LOC122539214: variants seen among roughly 807,000 people sequenced by gnomAD.
chr19:52,652,700 G>C, the LOC122539214 span: 14 of 639,902 alleles, frequency 2.2e-5, no homozygotes, highest in South Asian at 2.1e-4. Context: ...GCATTACTGA[G>C]GACTTTGTGA....
chr19:52,676,741 A>T, the LOC122539214 span, among the ~76,000 whole-genome samples: 90 of 139,872 alleles, frequency 6.4e-4, no homozygotes, highest in African/African-American at 2.2e-3. Context: ...TCTGTGTAGA[A>T]AGAAGTAGAC....
At chr19:52,689,658 TC>T in the LOC122539214 span, among the ~76,000 whole-genome samples, 1 of 152,144 alleles carries the variant, frequency 6.6e-6, no homozygotes, top group South Asian at 2.1e-4. Flanking sequence ...ACTTTTGCTG[TC>T]TCTTGGCAAA....
chr19:52,660,579 G>A, the LOC122539214 span, among the ~76,000 whole-genome samples: 1 of 152,052 alleles, frequency 6.6e-6, no homozygotes, highest in African/African-American at 2.4e-5. Context: ...GATTGCTCCA[G>A]TGAACTCCAG....
the LOC122539214 span, among the ~76,000 whole-genome samples, chr19:52,675,535 A>G: frequency 1.8e-4 from 27 of 152,212 alleles, no homozygotes; most frequent in African/African-American, 6.5e-4. Context: ...GCGGCCTCCT[A>G]TAATTTTGTC....
the LOC122539214 span, among the ~76,000 whole-genome samples, chr19:52,689,959 G>A: frequency 6.6e-6 from 1 of 152,098 alleles, no homozygotes; most frequent in South Asian, 2.1e-4. Flanking sequence ...AGCAGGGCCC[G>A]GCACGAGGAG....
At chr19:52,681,000 CAG>C in the LOC122539214 span, among the ~76,000 whole-genome samples, 1 of 151,734 alleles carries the variant, frequency 6.6e-6, no homozygotes, top group Non-Finnish European at 1.5e-5. Flanking sequence ...AAAGGAAACA[CAG>C]GGCTTGGTGT....
the LOC122539214 span, among the ~76,000 whole-genome samples, chr19:52,667,750 C>A: frequency 6.6e-6 from 1 of 151,960 alleles, no homozygotes. Flanking sequence ...TGCTCTTCAA[C>A]AAAAATTATA....
chr19:52,670,358 G>A, the LOC122539214 span, among the ~76,000 whole-genome samples: 2 of 152,178 alleles, frequency 1.3e-5, no homozygotes, highest in African/African-American at 4.8e-5. Flanking sequence ...CTCGCCAATA[G>A]GGGAATGACA....
At chr19:52,659,752 T>C in the LOC122539214 span, among the ~76,000 whole-genome samples, 1 of 152,068 alleles carries the variant, frequency 6.6e-6, no homozygotes. Context: ...CTTAAGAATA[T>C]CCAACATGGA....
chr19:52,681,927 A>C, the LOC122539214 span, among the ~76,000 whole-genome samples: 1 of 152,206 alleles, frequency 6.6e-6, no homozygotes. Context: ...AGCTCACTGC[A>C]ACCTCGTTTG....
the LOC122539214 span, among the ~76,000 whole-genome samples, chr19:52,686,634 C>A: frequency 6.6e-6 from 1 of 152,008 alleles, no homozygotes; most frequent in East Asian, 1.9e-4. Flanking sequence ...AGTGCAGCAA[C>A]ATGATTTCAG....
chr19:52,662,997 T>G, the LOC122539214 span, among the ~76,000 whole-genome samples: 1 of 152,038 alleles, frequency 6.6e-6, no homozygotes, highest in South Asian at 2.1e-4. Flanking sequence ...ATCCCGTCTC[T>G]ATGAAAAGTA....
chr19:52,665,284 T>G, the LOC122539214 span, among the ~76,000 whole-genome samples: 186 of 152,006 alleles, frequency 1.2e-3, 1 homozygote, highest in Non-Finnish European at 2.1e-3. Flanking sequence ...GGTGGGGTGG[T>G]GGGAGCCAGG....
At chr19:52,680,805 G>C in the LOC122539214 span, among the ~76,000 whole-genome samples, 1 of 148,336 alleles carries the variant, frequency 6.7e-6, no homozygotes. Flanking sequence ...GTAGAGACGG[G>C]GTTTCACCGT....
chr19:52,678,671 T>A, the LOC122539214 span, among the ~76,000 whole-genome samples: 1 of 151,792 alleles, frequency 6.6e-6, no homozygotes, highest in Non-Finnish European at 1.5e-5. Flanking sequence ...TCAACAAAAA[T>A]GTTTCATCAA....
At chr19:52,685,897 C>CAA in the LOC122539214 span, among the ~76,000 whole-genome samples, 21 of 132,532 alleles carry the variant, frequency 1.6e-4, no homozygotes, top group Middle Eastern at 3.9e-3. Context: ...GTAACTGTCA[C>CAA]AAAAAAAAAA....
the LOC122539214 span, among the ~76,000 whole-genome samples, chr19:52,676,836 G>C: frequency 7.1e-5 from 9 of 126,220 alleles, no homozygotes; most frequent in East Asian, 1.1e-3. Flanking sequence ...CCCCCAACCC[G>C]GTGCTCTCTG....
At chr19:52,674,118 C>T in the LOC122539214 span, 2 of 151,934 alleles carry the variant, frequency 1.3e-5, no homozygotes, top group Admixed American at 1.3e-4. Flanking sequence ...TGGCTCTAGA[C>T]CAAATCCACA....
chr19:52,687,657 A>AT, the LOC122539214 span, among the ~76,000 whole-genome samples: 104 of 14,914 alleles, frequency 7.0e-3, 6 homozygotes, highest in African/African-American at 0.038. Context: ...ATATATATAT[A>AT]ATGTATATAT....
Sources: gnomAD v4.1 joint callset for allele counts (sites outside exome capture counted in the v4.1 genomes callset) on GRCh38, gnomAD v4.1.1 for gene constraint, MANE v1.5 for transcripts.